Variants in MYB observed in about 807,000 individuals in gnomAD.
The protein encoded by MYB is MYB proto-oncogene, transcription factor.
Under a neutral mutation model 92.9 loss-of-function variants are expected in MYB, and 28 were observed. That is an observed-to-expected ratio of 0.30 (90% CI 0.22 to 0.41). The LOEUF (loss-of-function observed/expected upper bound fraction) is 0.41. MYB is among the 10% of genes least tolerant of loss of function. The pLI is 1.00. For missense variants in MYB, 679 were observed against 929.3 expected (o/e 0.73, Z 3.50); for synonymous variants, 295 against 329.1 (o/e 0.90, Z 1.12).
intron 15 of MYB, among the ~76,000 whole-genome samples, chr6:135,212,768 G>A (rs1312651604): frequency 6.6e-6 from 1 of 152,056 alleles, no homozygotes; most frequent in African/African-American, 2.4e-5. Flanking sequence ...AGTTCTTTAG[G>A]GTAAATGAAA....
Position 135,195,900 on chromosome 6 carries a change from A to G in MYB, c.1101A>G (p.Glu367=). ...LPADPGSLPE[E]SASPARCMIV... is the part of the protein sequence containing the mutation. ...CGGATCCTGGCTCCCTACCTGAAGA[A>G]AGCGCCTCGCCAGCAAGGTGCATGA... The change falls in exon 9 of 16, where the codon GAA becomes GAG. Residue 367 remains glutamate, a synonymous_variant. Coordinates refer to ENST00000341911, the MANE Select transcript of MYB (RefSeq NM_001130173.2). 1 of 1,614,176 alleles carries G rather than the reference A, an allele frequency of 6.2e-7. No individual in the cohort carries two copies. Among genetic ancestry groups the G allele is most frequent in the Non-Finnish European group, 8.5e-7 (1 of 1,180,038 alleles).
At chr6:135,217,804 T>C in intron 15 of MYB, 60 bp from the exon 16 acceptor site, 1 of 1,196,390 alleles carries the variant, frequency 8.4e-7, no homozygotes, top group Non-Finnish European at 1.3e-6. Flanking sequence ...CTGGCCCTGC[T>C]GGGTCTATAG....
chr6:135,188,441 T>C (rs1472740071), intron 3 of MYB, among the ~76,000 whole-genome samples: 1 of 152,012 alleles, frequency 6.6e-6, no homozygotes, highest in East Asian at 1.9e-4. Context: ...ATTTGGACTA[T>C]CATATAACTT....
At chr6:135,211,120 GTGT>G (rs1299266767) in intron 15 of MYB, among the ~76,000 whole-genome samples, 1 of 150,352 alleles carries the variant, frequency 6.7e-6, no homozygotes, top group African/African-American at 2.5e-5. Flanking sequence ...TCTGCTGTTC[GTGT>G]TGTCATTTAA....
Position 135,194,378 on chromosome 6 carries a change from C to T in MYB, c.866C>T (p.Pro289Leu). ...AIQRHYNDED[P>L]EKEKRIKELE... ...CAGAGACACTATAATGATGAAGACC[C>T]TGAGAAGGAAAAGCGAATAAAGGAA... Residue 289 changes from proline (P) to leucine (L), a missense_variant, in exon 8 of 16, where the codon CCT becomes CTT. Coordinates refer to ENST00000341911, the MANE Select transcript of MYB (RefSeq NM_001130173.2). 6.2e-7 allele frequency: 1 copy of T among 1,612,900 alleles called. No individual in the cohort carries two copies. The highest frequency in any genetic ancestry group is 8.5e-7 in the Non-Finnish European group (1 of 1,179,320).
intron 11 of MYB, chr6:135,199,732 G>A (rs896715826): frequency 1.5e-5 from 3 of 199,772 alleles, no homozygotes; most frequent in Admixed American, 6.5e-5. Flanking sequence ...TGTAGTATGG[G>A]CTCTGTTTTC....
rs772220664 is a variant in MYB, at chr6:135,190,369, T to C, written c.527+22T>C. ...GACGGTAATAATATGTCAAAAAATA[T>C]ATTGATCGGGAAGAATGAGGGAGTG... On this transcript the variant is annotated intron_variant, in intron 5 of 15. Coordinates refer to ENST00000341911, the MANE Select transcript of MYB (RefSeq NM_001130173.2). The surrounding 1 kb of genome is among the most constrained non-coding windows in gnomAD (Gnocchi z 4.5). The C allele has an allele frequency of 1.9e-6, 3 of 1,585,730 alleles. No homozygotes were observed. The highest frequency in any genetic ancestry group is 2.6e-6 in the Non-Finnish European group (3 of 1,155,700).
chr6:135,201,212 T>C (rs1778040339), intron 13 of MYB, among the ~76,000 whole-genome samples: 1 of 48,220 alleles, frequency 2.1e-5, no homozygotes, highest in South Asian at 5.7e-4. Context: ...AGATAAGTAT[T>C]TTTTTTTATA....
intron 13 of MYB, 28 bp from the exon 14 acceptor site, chr6:135,201,611 C>A (rs1157121899): frequency 2.0e-6 from 3 of 1,518,744 alleles, no homozygotes; most frequent in Non-Finnish European, 2.7e-6. Flanking sequence ...GTTCTAGAAA[C>A]AACAAAGCAC....
intron 13 of MYB, chr6:135,200,792 A>G: frequency 3.5e-6 from 1 of 282,880 alleles, no homozygotes. Context: ...TATTAAAAAA[A>G]GGGAGGCTGG....
At chr6:135,185,336 T>C (rs1775771350) in intron 1 of MYB, among the ~76,000 whole-genome samples, 1 of 152,240 alleles carries the variant, frequency 6.6e-6, no homozygotes, top group Non-Finnish European at 1.5e-5. Context: ...TAAAATCCTT[T>C]CCTCTTAGAT....
At chr6:135,202,812 C>T (rs1778316707) in intron 14 of MYB, 5 of 410,980 alleles carry the variant, frequency 1.2e-5, no homozygotes, top group South Asian at 9.4e-5. Context: ...CCCTACTTTT[C>T]ACCATTTTTT....
At chr6:135,188,443 A>G (rs760314434) in intron 3 of MYB, among the ~76,000 whole-genome samples, 1 of 149,488 alleles carries the variant, frequency 6.7e-6, no homozygotes, top group Non-Finnish European at 1.5e-5. Flanking sequence ...TTGGACTATC[A>G]TATAACTTCC....
At chr6:135,214,750 T>A (rs1485609086) in intron 15 of MYB, among the ~76,000 whole-genome samples, 2 of 152,222 alleles carry the variant, frequency 1.3e-5, no homozygotes, top group Non-Finnish European at 2.9e-5. Flanking sequence ...AAATTTTGTT[T>A]TTTAATTGGT....
At chr6:135,186,573 C>G (rs555066796) in intron 2 of MYB, among the ~76,000 whole-genome samples, 44 of 152,256 alleles carry the variant, frequency 2.9e-4, no homozygotes, top group Admixed American at 1.3e-3. Context: ...TTGCTACTCC[C>G]AAAAACAAAA....
chr6:135,194,756 A>C (rs1777068300), intron 8 of MYB: 1 of 605,618 alleles, frequency 1.7e-6, no homozygotes, highest in Admixed American at 3.5e-5. Context: ...AGATAAAATG[A>C]ATGAAAATCT....
intron 14 of MYB, 105 bp from the exon 15 acceptor site, chr6:135,203,112 T>A (rs1778364829): frequency 1.1e-5 from 9 of 837,020 alleles, no homozygotes; most frequent in Non-Finnish European, 1.8e-5. Context: ...TTTTTTATGC[T>A]AATGTGTATC....
intron 9 of MYB, 172 bp from the exon 10 acceptor site, chr6:135,196,789 C>A (rs1418954582): frequency 6.4e-7 from 1 of 1,552,632 alleles, no homozygotes; most frequent in Non-Finnish European, 8.7e-7. Context: ...GCCCACTAGA[C>A]CCTGCTCTAC....
At chr6:135,199,723 G>A (rs1200133870) in intron 11 of MYB, 2 of 273,490 alleles carry the variant, frequency 7.3e-6, no homozygotes, top group African/African-American at 4.6e-5. Context: ...AACATGTTTT[G>A]TAGTATGGGC....
Sources: gnomAD v4.1 joint callset for allele counts (sites outside exome capture counted in the v4.1 genomes callset) on GRCh38, gnomAD v4.1.1 for gene constraint, Gnocchi (gnomAD v3.1) non-coding constraint, MANE v1.5 for transcripts, NCBI Gene and HGNC (gene_info 2026-07-23, HGNC 2026-07-21) for gene names.